LRRC63: variants seen among roughly 807,000 people sequenced by gnomAD.
LRRC63 encodes leucine rich repeat containing 63.
In LRRC63, 40 loss-of-function variants were observed where a neutral mutation model predicts 49.5. The ratio of observed to expected loss-of-function variants is 0.81; its 90% CI spans 0.63 to 1.05. The LOEUF (loss-of-function observed/expected upper bound fraction) is 1.05, where lower values mean the gene tolerates loss of function less well. Among genes scored for constraint, LRRC63 ranks in the 50% least tolerant of loss-of-function variants. The pLI, the probability that LRRC63 is intolerant of heterozygous loss-of-function variation, is 0.00. For synonymous variants in LRRC63, 191 were observed against 221.1 expected (o/e 0.86, Z 1.21); for missense variants, 636 against 663.1 (o/e 0.96, Z 0.45).
intron 7 of LRRC63, among the ~76,000 whole-genome samples, chr13:46,257,930 G>T (rs2138561465): frequency 6.6e-6 from 1 of 151,610 alleles, no homozygotes; most frequent in East Asian, 1.9e-4. Flanking sequence ...TTTTTTCCCA[G>T]ATATATTATT....
chr13:46,223,231 AG>A (rs1455112098), intron 2 of LRRC63, among the ~76,000 whole-genome samples: 17 of 152,022 alleles, frequency 1.1e-4, no homozygotes, highest in African/African-American at 4.1e-4. Flanking sequence ...ATTAAAAAAA[AG>A]AAAAAAAATA....
intron 3 of LRRC63, 126 bp downstream of exon 3, chr13:46,228,315 T>A: frequency 1.4e-6 from 1 of 711,820 alleles, no homozygotes; most frequent in Non-Finnish European, 2.3e-6. Flanking sequence ...TCACCTTTTA[T>A]ATATACATGT....
Position 46,255,645 on chromosome 13 carries a change from A to AATATAT in LRRC63, c.1226+5170_1226+5175dup, listed in dbSNP as rs142798828. Among the ~76,000 whole-genome samples the AATATAT allele has an allele frequency of 1.2e-3, 155 of 129,436 alleles. 7 individuals are homozygous for AATATAT. Among genetic ancestry groups the AATATAT allele is most frequent in the African/African-American group, 3.3e-3 (113 of 34,346 alleles). The allele number at this position is 129,436 out of a possible 152,430, so 84.9% of individuals were successfully genotyped here. The stretch of plus-strand genomic sequence containing the variant: ...GGCAACAGAGTAAGACCCTGCCTCA[A>AATATAT]ATATATATATATATATATATAGTTA... On this transcript the variant is annotated intron_variant, in intron 7 of 9. Transcript: ENST00000595396.
intron 5 of LRRC63, among the ~76,000 whole-genome samples, chr13:46,237,981 A>T (rs2046951322): frequency 6.6e-6 from 1 of 152,174 alleles, no homozygotes; most frequent in Non-Finnish European, 1.5e-5. Context: ...ATCCAGGACC[A>T]GATGGACCTA....
chr13:46,270,134 T>G, intron 9 of LRRC63: 1 of 695,162 alleles, frequency 1.4e-6, no homozygotes, highest in Non-Finnish European at 2.7e-6. Flanking sequence ...GGATCAATAC[T>G]TCACTCGCTG....
intron 8 of LRRC63, among the ~76,000 whole-genome samples, chr13:46,266,355 C>A (rs1450105717): frequency 6.6e-6 from 1 of 152,098 alleles, no homozygotes; most frequent in Non-Finnish European, 1.5e-5. Context: ...TTTGATTGGG[C>A]TTGAATATGT....
At chr13:46,234,776 G>A (rs533842124) in intron 5 of LRRC63, among the ~76,000 whole-genome samples, 14 of 152,168 alleles carry the variant, frequency 9.2e-5, no homozygotes, top group South Asian at 4.1e-4. Flanking sequence ...ATTATGTAAC[G>A]TAAGTATTAT....
chr13:46,273,509 G>A (rs1458486098), intron 9 of LRRC63, among the ~76,000 whole-genome samples: 2 of 151,440 alleles, frequency 1.3e-5, no homozygotes, highest in Non-Finnish European at 2.9e-5. Context: ...GGCTGAGGCA[G>A]GAGAATCACT....
chr13:46,218,420 C>T (rs888897344), intron 2 of LRRC63, among the ~76,000 whole-genome samples: 1 of 113,722 alleles, frequency 8.8e-6, no homozygotes, highest in Non-Finnish European at 1.7e-5. Flanking sequence ...GATTGCAACC[C>T]CTGCTTTTTT....
intron 7 of LRRC63, among the ~76,000 whole-genome samples, chr13:46,260,603 G>A (rs768281851): frequency 6.6e-6 from 1 of 152,160 alleles, no homozygotes; most frequent in Non-Finnish European, 1.5e-5. Context: ...AAGCAGAGAA[G>A]TACAGAAGAG....
At chr13:46,227,550 A>G in exon 3 of LRRC63, 2 of 1,542,880 alleles carry the variant, frequency 1.3e-6, no homozygotes, top group Non-Finnish European at 1.7e-6. Flanking sequence ...TGTAGCATTC[A>G]CTGAAGATGA....
chr13:46,213,226 C>T (rs1373795039), intron 2 of LRRC63, 107 bp downstream of exon 2: 5 of 669,264 alleles, frequency 7.5e-6, no homozygotes, highest in African/African-American at 3.7e-5. Flanking sequence ...TAATAACTTA[C>T]AAATGTTTGT....
At chr13:46,255,982 A>T (rs1004407140) in intron 7 of LRRC63, among the ~76,000 whole-genome samples, 10 of 152,190 alleles carry the variant, frequency 6.6e-5, no homozygotes, top group African/African-American at 2.4e-4. Flanking sequence ...TTTGAGTGTG[A>T]CATCTTTCAC....
intron 7 of LRRC63, among the ~76,000 whole-genome samples, chr13:46,260,514 T>C (rs929837072): frequency 6.6e-6 from 1 of 152,152 alleles, no homozygotes; most frequent in Admixed American, 6.5e-5. Context: ...AATATGAAAT[T>C]GAATCCGTGC....
intron 5 of LRRC63, among the ~76,000 whole-genome samples, chr13:46,243,759 G>A (rs1442141578): frequency 1.3e-5 from 2 of 152,194 alleles, no homozygotes; most frequent in Non-Finnish European, 2.9e-5. Flanking sequence ...TAACAGGCAT[G>A]AGCCACTGCA....
At chr13:46,233,066 A>G (rs1566483211) in intron 4 of LRRC63, among the ~76,000 whole-genome samples, 1 of 152,190 alleles carries the variant, frequency 6.6e-6, no homozygotes, top group Non-Finnish European at 1.5e-5. Flanking sequence ...CTTGTCTATG[A>G]TGTAAATTAA....
At chr13:46,227,656 A>C (rs982809951) in exon 3 of LRRC63, 2 of 1,550,352 alleles carry the variant, frequency 1.3e-6, no homozygotes, top group Non-Finnish European at 1.7e-6. Context: ...TTTCTTGATC[A>C]CTGTGTACAA....
chr13:46,240,541 T>C (rs36080279), intron 5 of LRRC63, among the ~76,000 whole-genome samples: 12,983 of 152,148 alleles, frequency 0.085, 632 homozygotes, highest in East Asian at 0.18. Flanking sequence ...GAAGCTAAAC[T>C]ATCCCTATTT....
At chr13:46,271,689 G>C (rs1455912523) in intron 9 of LRRC63, among the ~76,000 whole-genome samples, 1 of 145,832 alleles carries the variant, frequency 6.9e-6, no homozygotes. Context: ...AGAAGCCTTT[G>C]AAAGGAGCAA....
Sources: allele counts gnomAD v4.1 joint callset (sites outside exome capture counted in the v4.1 genomes callset), GRCh38; gene constraint gnomAD v4.1.1; transcripts MANE v1.5; gene names NCBI Gene and HGNC (gene_info 2026-07-23, HGNC 2026-07-21).